The following WDR12 variants were observed in gnomAD, a reference collection of about 807,000 sequenced individuals.
WDR12 encodes ribosome biogenesis protein WDR12.
WDR12 carries 42 observed loss-of-function variants against 64.3 expected under a neutral mutation model. The observed-to-expected ratio is 0.65, with a 90% confidence interval of 0.51 to 0.84. The LOEUF (loss-of-function observed/expected upper bound fraction) is 0.84, where lower values mean the gene tolerates loss of function less well. Ranked by LOEUF, WDR12 falls within the 40% of genes least tolerant of loss-of-function variation. The probability of loss-of-function intolerance (pLI) is 0.00; values close to 1 mark genes in which losing one functional copy is unlikely to be tolerated. For synonymous variants in WDR12, 158 were observed against 173.3 expected (o/e 0.91, Z 0.70); for missense variants, 469 against 494.6 (o/e 0.95, Z 0.49).
chr2:202,902,935 C>T (rs1045047136), intron 2 of WDR12, among the ~76,000 whole-genome samples: 4 of 152,020 alleles, frequency 2.6e-5, no homozygotes, highest in Non-Finnish European at 5.9e-5. Flanking sequence ...ATTAGCCAGC[C>T]GGGTGTGGTG....
Position 202,878,382 on chromosome 2 carries a change from TAGA to T in WDR12, c.*2475_*2477del, listed in dbSNP as rs1458055624. On this transcript the variant is annotated 3_prime_UTR_variant, in exon 13 of 13. Coordinates refer to ENST00000261015, the MANE Select transcript of WDR12 (RefSeq NM_018256.4). ...GAATTCATCTTTGTCCTCTCAAAGT[TAGA>T]AGATTTCCAGAGACTACAAATACAA... The T allele has an allele frequency of 3.3e-5, 5 of 152,178 alleles. No homozygotes were observed. The highest frequency in any genetic ancestry group is 1.2e-4 in the African/African-American group (5 of 41,434). The allele number at this position is 152,178 out of a possible 1,614,324, so 9.4% of individuals were successfully genotyped here.
At chr2:202,907,395 A>G (rs1457898606) in intron 2 of WDR12, among the ~76,000 whole-genome samples, 1 of 151,892 alleles carries the variant, frequency 6.6e-6, no homozygotes, top group Non-Finnish European at 1.5e-5. Context: ...TCCTTTTTTT[A>G]TGAATTCTGG....
chr2:202,894,674 AT>A (rs1688209377), intron 6 of WDR12, 48 bp from the exon 7 acceptor site: 2 of 1,506,754 alleles, frequency 1.3e-6, no homozygotes, highest in Admixed American at 3.9e-5. Flanking sequence ...TATGATTCAT[AT>A]TATTTGCCTA....
intron 4 of WDR12, among the ~76,000 whole-genome samples, chr2:202,899,049 T>G (rs1232478056): frequency 1.5e-5 from 2 of 135,366 alleles, no homozygotes; most frequent in Non-Finnish European, 3.2e-5. Context: ...TTTTTTTTTT[T>G]TTTTTTTTTT....
intron 2 of WDR12, 36 bp from the exon 3 acceptor site, chr2:202,901,155 T>G (rs1688343040): frequency 6.6e-7 from 1 of 1,517,892 alleles, no homozygotes; most frequent in African/African-American, 1.4e-5. Flanking sequence ...TCACTCTTAG[T>G]GTCTAAAGTA....
At chr2:202,886,320 T>C (rs1688046477) in intron 8 of WDR12, among the ~76,000 whole-genome samples, 1 of 151,190 alleles carries the variant, frequency 6.6e-6, no homozygotes, top group African/African-American at 2.4e-5. Context: ...GAACTGGCTG[T>C]GGTAGCACAC....
At chr2:202,884,561 GAA>G in intron 8 of WDR12, 26 bp from the exon 9 acceptor site, 1 of 1,594,286 alleles carries the variant, frequency 6.3e-7, no homozygotes, top group Non-Finnish European at 8.5e-7. Context: ...CCCAAAAGGG[GAA>G]AGTGTTTTCA....
At chr2:202,901,225 G>T in intron 2 of WDR12, 106 bp from the exon 3 acceptor site, 1 of 629,996 alleles carries the variant, frequency 1.6e-6, no homozygotes, top group Non-Finnish European at 2.5e-6. Context: ...TCCCAGTGTG[G>T]CCTGAGTTTC....
At chr2:202,881,668 C>A (rs1687950704) in intron 12 of WDR12, among the ~76,000 whole-genome samples, 2 of 152,018 alleles carry the variant, frequency 1.3e-5, no homozygotes, top group South Asian at 4.2e-4. Context: ...GTAGTCCCTG[C>A]TACTCAGAAG....
chr2:202,889,216 G>A (rs1688103487), intron 8 of WDR12, among the ~76,000 whole-genome samples: 2 of 152,264 alleles, frequency 1.3e-5, no homozygotes, highest in Non-Finnish European at 1.5e-5. Flanking sequence ...AACTATGGGA[G>A]CAAGCTTACG....
At position 202,911,583 on chromosome 2, in the gene WDR12, G is replaced by A; in HGVS notation, c.-107C>T. The stretch of plus-strand genomic sequence containing the variant: ...CAAAGAGGCAGCTCAAAATTAGACT[G>A]CACAGGTAAGCGAGGAACTGCAGTC... On this transcript the variant is annotated 5_prime_UTR_variant, in exon 1 of 13. Transcript: ENST00000261015. 2.0e-6 allele frequency: 2 copies of A among 1,020,504 alleles called. No individual in the cohort carries two copies. The highest frequency in any genetic ancestry group is 2.5e-4 in the Middle Eastern group (1 of 4,032). 63.2% of individuals were successfully genotyped at this position (1,020,504 alleles called of 1,614,324 possible). A position where few individuals can be genotyped will look rare whatever the true frequency, so the allele number is the denominator to read the frequency against.
chr2:202,881,353 C>T (rs1687945319), intron 12 of WDR12, among the ~76,000 whole-genome samples: 1 of 152,158 alleles, frequency 6.6e-6, no homozygotes, highest in African/African-American at 2.4e-5. Flanking sequence ...TACGTATATA[C>T]ATAAAAATAA....
intron 8 of WDR12, among the ~76,000 whole-genome samples, chr2:202,885,428 T>TATC (rs1195692241): frequency 6.6e-6 from 1 of 152,208 alleles, no homozygotes; most frequent in Non-Finnish European, 1.5e-5. Flanking sequence ...TGACCTTTAC[T>TATC]ATCCTCCAAC....
rs1185687023 is a variant in WDR12, at chr2:202,896,100, C to T, written c.574G>A (p.Val192Ile). 1.2e-6 allele frequency: 2 copies of T among 1,613,970 alleles called. No homozygotes were observed. The highest frequency in any genetic ancestry group is 1.7e-6 in the Non-Finnish European group (2 of 1,179,984). ...LHCCRGHAGSVDSIAVDGSGT... is the reference protein window; with the variant it reads ...LHCCRGHAGSIDSIAVDGSGT... The stretch of plus-strand genomic sequence containing the variant: ...GAGCCATCAACAGCTATAGAATCTA[C>T]ACTTCCAGCATGACCTCTACAGCAG... The change falls in exon 6 of 13, where the codon GTA (valine) becomes ATA (isoleucine). Residue 192 changes from valine (V) to isoleucine (I), a missense_variant. Val to Ile is a conservative substitution (Grantham distance 29). Coordinates refer to ENST00000261015, the MANE Select transcript of WDR12 (RefSeq NM_018256.4).
intron 7 of WDR12, 92 bp downstream of exon 7, chr2:202,894,489 T>A (rs1688206002): frequency 2.7e-6 from 3 of 1,129,494 alleles, no homozygotes; most frequent in Non-Finnish European, 3.7e-6. Context: ...CCTGAAGTGC[T>A]GAGATTATAG....
At position 202,875,865 on chromosome 2, in the gene WDR12, C is replaced by A. The variant is rs1430935180; in HGVS notation, c.*4995G>T. On this transcript the variant is annotated 3_prime_UTR_variant, in exon 13 of 13. Transcript: ENST00000261015. ...TTTATTTCCTGCCTGTGTGACTGTTCAAAAACTTTAACATATATTTTTCTC... is the reference window on the plus strand; with the variant it reads ...TTTATTTCCTGCCTGTGTGACTGTTAAAAAACTTTAACATATATTTTTCTC... 6.6e-6 allele frequency: 1 copy of A among 152,120 alleles called. No homozygotes were observed. Among genetic ancestry groups the A allele is most frequent in the Non-Finnish European group, 1.5e-5 (1 of 68,026 alleles). 9.4% of individuals were successfully genotyped at this position (152,120 alleles called of 1,614,324 possible).
chr2:202,876,059 A>G lies in WDR12; in HGVS notation c.*4801T>C, dbSNP rs1204923832. 6.6e-6 allele frequency: 1 copy of G among 152,212 alleles called. No individual in the cohort carries two copies. The highest frequency in any genetic ancestry group is 1.5e-5 in the Non-Finnish European group (1 of 68,048). 9.4% of individuals were successfully genotyped at this position (152,212 alleles called of 1,614,324 possible). On this transcript the variant is annotated 3_prime_UTR_variant, in exon 13 of 13. Coordinates refer to ENST00000261015, the MANE Select transcript of WDR12 (RefSeq NM_018256.4). The stretch of plus-strand genomic sequence containing the variant: ...TAGGTTTAATTCTGTAAAACTAACC[A>G]GCCAAAAACGTTTCTCTCCTAAGTT...
At position 202,899,576 on chromosome 2, in the gene WDR12, A is replaced by G. The variant is rs764774111; in HGVS notation, c.293T>C (p.Met98Thr). 6.2e-7 allele frequency: 1 copy of G among 1,614,200 alleles called. No individual in the cohort carries two copies. Among genetic ancestry groups the G allele is most frequent in the Non-Finnish European group, 8.5e-7 (1 of 1,180,026 alleles). The change falls in exon 4 of 13, where the codon ATG becomes ACG. Residue 98 changes from methionine (M) to threonine (T), a missense_variant. Physicochemically the swap from Met to Thr is moderately conservative, Grantham distance 81. Transcript: ENST00000261015. ...TGAACTGATCCAGTCATCATGGAAC[A>G]TGCATTGCTCTGGCTGGGGTGCAGT... ...KYTAPQPEQC[M>T]FHDDWISSIK... is the part of the protein sequence containing the mutation.
rs1474021052 is a variant in WDR12, at chr2:202,875,812, GA to G, written c.*5047del. On this transcript the variant is annotated 3_prime_UTR_variant, in exon 13 of 13. Transcript: ENST00000261015. Reference sequence around the variant, plus strand: ...ATATACCAGTTAAGAGCTTGTCCAAGATAAGTCCAAGTTCAAATTCACTGCC... The same window carrying G: ...ATATACCAGTTAAGAGCTTGTCCAAGTAAGTCCAAGTTCAAATTCACTGCC... 1 of 152,196 alleles carries G rather than the reference GA, an allele frequency of 6.6e-6. No homozygotes were observed. The highest frequency in any genetic ancestry group is 2.4e-5 in the African/African-American group (1 of 41,448). 9.4% of individuals were successfully genotyped at this position (152,196 alleles called of 1,614,324 possible).
Sources: gnomAD v4.1 joint callset for allele counts (sites outside exome capture counted in the v4.1 genomes callset) on GRCh38, gnomAD v4.1.1 for gene constraint, MANE v1.5 for transcripts, NCBI Gene and HGNC (gene_info 2026-07-23, HGNC 2026-07-21) for gene names.